The following SLC25A21 variants were observed in gnomAD, a reference collection of about 807,000 sequenced individuals.
SLC25A21 encodes the protein mitochondrial 2-oxodicarboxylate carrier.
SLC25A21 carries 47 observed loss-of-function variants against 43.8 expected under a neutral mutation model. That is an observed-to-expected ratio of 1.07 (90% confidence interval 0.85 to 1.37). SLC25A21 has a LOEUF of 1.37. Ranked by LOEUF, SLC25A21 falls within the 40% of genes most tolerant of loss-of-function variation. The pLI is 0.00. For synonymous variants in SLC25A21, 131 were observed against 121.3 expected, an observed-to-expected ratio of 1.08 and a Z score of -0.52; for missense variants, 352 against 350.2, an observed-to-expected ratio of 1.00 and a Z score of -0.04.
intron 1 of SLC25A21, among the ~76,000 whole-genome samples, chr14:37,157,369 A>G (rs1963869299): frequency 1.3e-5 from 2 of 150,018 alleles, no homozygotes; most frequent in African/African-American, 4.9e-5. Flanking sequence ...CTCAAAAAGG[A>G]AAAAAAAAAT....
chr14:36,941,026 T>C (rs752904898), intron 1 of SLC25A21, among the ~76,000 whole-genome samples: 6 of 152,046 alleles, frequency 3.9e-5, no homozygotes, highest in Non-Finnish European at 8.8e-5. Flanking sequence ...AAAGAAACCA[T>C]CAGAATGGAA....
At chr14:36,719,428 ATGGGGGGAAATTTGGG>A (rs1452488044) in intron 6 of SLC25A21, among the ~76,000 whole-genome samples, 1 of 152,204 alleles carries the variant, frequency 6.6e-6, no homozygotes, top group Non-Finnish European at 1.5e-5. Flanking sequence ...AGTTTGAAGG[ATGGGGGGAAATTTGGG>A]TCTATCCCAA....
chr14:36,838,989 G>C (rs1319994980), intron 2 of SLC25A21, among the ~76,000 whole-genome samples: 2 of 152,140 alleles, frequency 1.3e-5, no homozygotes, highest in Admixed American at 1.3e-4. Context: ...CTGCCAAAAA[G>C]CATTTAGCTG....
chr14:36,693,048 C>T (rs938788163), intron 7 of SLC25A21, among the ~76,000 whole-genome samples: 5 of 152,152 alleles, frequency 3.3e-5, no homozygotes, highest in African/African-American at 4.8e-5. Flanking sequence ...GAGGTTGCAA[C>T]GCAGTCCTTC....
At chr14:36,933,411 C>A (rs774563007) in intron 1 of SLC25A21, among the ~76,000 whole-genome samples, 2 of 152,074 alleles carry the variant, frequency 1.3e-5, no homozygotes, top group African/African-American at 4.8e-5. Flanking sequence ...TTTCCACCAC[C>A]GGGATATTTG....
intron 1 of SLC25A21, among the ~76,000 whole-genome samples, chr14:37,013,850 T>C (rs560107415): frequency 2.0e-5 from 3 of 152,260 alleles, no homozygotes; most frequent in East Asian, 3.9e-4. Context: ...TTCCAGACCA[T>C]TGCAATAAAG....
intron 2 of SLC25A21, among the ~76,000 whole-genome samples, chr14:36,832,912 G>A (rs183928503): frequency 9.5e-4 from 145 of 152,056 alleles, no homozygotes; most frequent in African/African-American, 3.3e-3. Flanking sequence ...GATTCTATTT[G>A]TACTTCATTA....
chr14:36,838,477 A>T (rs970307627), intron 2 of SLC25A21, among the ~76,000 whole-genome samples: 23 of 152,116 alleles, frequency 1.5e-4, no homozygotes, highest in Non-Finnish European at 2.2e-4. Context: ...TGCTAAATAA[A>T]TTGGGACTGC....
chr14:36,924,337 T>G lies in SLC25A21; in HGVS notation c.71-49333A>C, dbSNP rs113893591. Among the ~76,000 whole-genome samples, 1,461 of 152,294 alleles carry G rather than the reference T, an allele frequency of 9.6e-3. 31 individuals carry two copies. Among genetic ancestry groups the G allele is most frequent in the African/African-American group, 0.033 (1,354 of 41,542 alleles). On this transcript the variant is annotated intron_variant, in intron 1 of 9. Coordinates refer to ENST00000331299, the MANE Select transcript of SLC25A21 (RefSeq NM_030631.4). ...GTGGCACATATACACCATGGAATAC[T>G]ATGCAGCCATAAAAAATGATGAGTT...
At chr14:36,880,320 G>C (rs1472094902) in intron 1 of SLC25A21, among the ~76,000 whole-genome samples, 1 of 152,178 alleles carries the variant, frequency 6.6e-6, no homozygotes, top group African/African-American at 2.4e-5. Context: ...GACAGACATA[G>C]TGGAGTTCTG....
intron 3 of SLC25A21, among the ~76,000 whole-genome samples, chr14:36,737,216 G>A (rs1009272618): frequency 6.6e-6 from 1 of 152,174 alleles, no homozygotes; most frequent in African/African-American, 2.4e-5. Context: ...CTGCTTCTCT[G>A]GAAGAGGACT....
chr14:36,905,124 A>G (rs1396931047), intron 1 of SLC25A21, among the ~76,000 whole-genome samples: 1 of 152,206 alleles, frequency 6.6e-6, no homozygotes, highest in Non-Finnish European at 1.5e-5. Context: ...AAAGAAGACT[A>G]TAACAATTAC....
intron 3 of SLC25A21, among the ~76,000 whole-genome samples, chr14:36,748,492 C>G (rs1885583063): frequency 6.6e-6 from 1 of 152,220 alleles, no homozygotes; most frequent in East Asian, 1.9e-4. Flanking sequence ...TTATAGACTT[C>G]TGCATATGCA....
At chr14:36,821,895 A>G (rs796572990) in intron 2 of SLC25A21, among the ~76,000 whole-genome samples, 1 of 152,208 alleles carries the variant, frequency 6.6e-6, no homozygotes, top group South Asian at 2.1e-4. Flanking sequence ...ACATTGCCTT[A>G]GCACTGACTG....
intron 1 of SLC25A21, among the ~76,000 whole-genome samples, chr14:37,141,984 G>C (rs1320679602): frequency 6.6e-6 from 1 of 152,138 alleles, no homozygotes; most frequent in Non-Finnish European, 1.5e-5. Flanking sequence ...TGCGACAGTG[G>C]CCTCTGCATC....
At position 37,034,165 on chromosome 14, in the gene SLC25A21, T is replaced by C. The variant is rs181436580; in HGVS notation, c.70+138116A>G. On this transcript the variant is annotated intron_variant, in intron 1 of 9. Coordinates refer to ENST00000331299, the MANE Select transcript of SLC25A21 (RefSeq NM_030631.4). Reference sequence around the variant, plus strand: ...CTGAGTAGCTGGTACTACAGATGCCTGCCACTACGCCCAGCTAATTTTTTG... The same window carrying C: ...CTGAGTAGCTGGTACTACAGATGCCCGCCACTACGCCCAGCTAATTTTTTG... Among the ~76,000 whole-genome samples, 514 of 152,110 alleles carry C rather than the reference T, an allele frequency of 3.4e-3. 3 individuals carry two copies. The highest frequency in any genetic ancestry group is 0.01 in the African/African-American group (435 of 41,476).
At chr14:36,936,767 T>G (rs1266656482) in intron 1 of SLC25A21, among the ~76,000 whole-genome samples, 1 of 152,324 alleles carries the variant, frequency 6.6e-6, no homozygotes, top group Admixed American at 6.5e-5. Flanking sequence ...CACTTTGTCC[T>G]TGTAGATCCA....
At chr14:37,055,263 T>C (rs887662860) in intron 1 of SLC25A21, among the ~76,000 whole-genome samples, 1 of 152,216 alleles carries the variant, frequency 6.6e-6, no homozygotes, top group African/African-American at 2.4e-5. Flanking sequence ...TAATGACTAT[T>C]AGACTCTGAG....
chr14:36,841,463 C>T (rs1325309657), intron 2 of SLC25A21, among the ~76,000 whole-genome samples: 1 of 152,088 alleles, frequency 6.6e-6, no homozygotes, highest in East Asian at 1.9e-4. Flanking sequence ...TAGAAACCTC[C>T]GAATCCTCCT....
Sources: gnomAD v4.1 joint callset for allele counts (sites outside exome capture counted in the v4.1 genomes callset) on GRCh38, gnomAD v4.1.1 for gene constraint, MANE v1.5 for transcripts, NCBI Gene and HGNC (gene_info 2026-07-23, HGNC 2026-07-21) for gene names.